SPAG16: variants seen among roughly 807,000 people sequenced by gnomAD.
SPAG16 encodes the protein sperm-associated antigen 16 protein.
A neutral mutation model predicts 80.4 loss-of-function variants in SPAG16; 86 were observed. The ratio of observed to expected loss-of-function variants is 1.07; its 90% CI spans 0.90 to 1.28. SPAG16 has a LOEUF of 1.28. Ranked by LOEUF, SPAG16 falls within the 50% of genes most tolerant of loss-of-function variation. The pLI is 0.00. For synonymous variants in SPAG16, 294 were observed against 265.9 expected, an observed-to-expected ratio of 1.11 and a Z score of -1.03; for missense variants, 870 against 765.3, an observed-to-expected ratio of 1.14 and a Z score of -1.61.
intron 15 of SPAG16, among the ~76,000 whole-genome samples, chr2:214,245,356 C>T (rs1452252849): frequency 6.6e-6 from 1 of 152,144 alleles, no homozygotes; most frequent in Non-Finnish European, 1.5e-5. Flanking sequence ...ATGCAATTGT[C>T]TTCCATTAAA....
chr2:214,081,578 C>A (rs2051397236), intron 13 of SPAG16, among the ~76,000 whole-genome samples: 2 of 152,188 alleles, frequency 1.3e-5, no homozygotes, highest in Admixed American at 1.3e-4. Flanking sequence ...CCAGCCGTCA[C>A]CAGAAACTAA....
chr2:213,531,025 C>CT (rs1200015115), intron 10 of SPAG16, among the ~76,000 whole-genome samples: 1 of 151,578 alleles, frequency 6.6e-6, no homozygotes, highest in Non-Finnish European at 1.5e-5. Flanking sequence ...TTTTAAGTTC[C>CT]TTTTTTCCTC....
intron 10 of SPAG16, among the ~76,000 whole-genome samples, chr2:213,642,960 T>G (rs2125118428): frequency 6.6e-6 from 1 of 151,746 alleles, no homozygotes; most frequent in East Asian, 2.0e-4. Flanking sequence ...CTGGCTTTCC[T>G]TGCTCCTCAG....
At chr2:213,426,836 TACACACACAC>T (rs199604984) in intron 9 of SPAG16, among the ~76,000 whole-genome samples, 63,713 of 125,678 alleles carry the variant, frequency 0.51, 16,568 homozygotes, top group South Asian at 0.59. Flanking sequence ...TTCTGATACA[TACACACACAC>T]ACACACACAC....
intron 11 of SPAG16, among the ~76,000 whole-genome samples, chr2:213,923,341 C>A (rs572802751): frequency 8.5e-5 from 13 of 152,230 alleles, no homozygotes; most frequent in African/African-American, 2.9e-4. Flanking sequence ...TGTCAGGCAG[C>A]GTCGTGTGCC....
At chr2:213,721,771 A>G (rs1368504347) in intron 10 of SPAG16, among the ~76,000 whole-genome samples, 3 of 152,210 alleles carry the variant, frequency 2.0e-5, no homozygotes, top group Non-Finnish European at 2.9e-5. Context: ...CATAATGTTG[A>G]AGTGCTAAGA....
chr2:213,680,611 G>T (rs557387394), intron 10 of SPAG16, among the ~76,000 whole-genome samples: 11 of 152,182 alleles, frequency 7.2e-5, no homozygotes, highest in African/African-American at 2.7e-4. Context: ...GAGCATCCTT[G>T]CAAGTAGGGA....
rs577210312 is a variant in SPAG16, at chr2:213,980,475, G to A, written c.1401-33476G>A. On this transcript the variant is annotated intron_variant, in intron 12 of 15. Coordinates refer to ENST00000331683, the MANE Select transcript of SPAG16 (RefSeq NM_024532.5). ...CTATATATATATAGAATATATGTGT[G>A]TATATATATAATATATATAGAATAT... 1.3e-4 allele frequency among the ~76,000 whole-genome samples: 8 copies of A among 62,080 alleles called. 1 individual carries two copies. Among genetic ancestry groups the A allele is most frequent in the African/African-American group, 2.9e-4 (6 of 20,826 alleles). The allele number at this position is 62,080 out of a possible 152,430, so 40.7% of individuals were successfully genotyped here.
At chr2:213,886,367 T>C (rs2076555149) in intron 11 of SPAG16, among the ~76,000 whole-genome samples, 1 of 150,998 alleles carries the variant, frequency 6.6e-6, no homozygotes, top group South Asian at 2.1e-4. Context: ...AGGAGGAGAG[T>C]GGTGGCGGGT....
intron 11 of SPAG16, among the ~76,000 whole-genome samples, chr2:213,928,496 G>T (rs189205593): frequency 9.9e-5 from 15 of 152,174 alleles, no homozygotes; most frequent in East Asian, 7.7e-4. Flanking sequence ...CTGTTTCTAC[G>T]CTGCAGATAG....
intron 10 of SPAG16, among the ~76,000 whole-genome samples, chr2:213,606,317 A>T (rs1284189272): frequency 6.6e-6 from 1 of 152,208 alleles, no homozygotes; most frequent in Non-Finnish European, 1.5e-5. Context: ...ATGTTCAGGC[A>T]TATTATATAT....
At chr2:213,897,010 G>T (rs1433808208) in intron 11 of SPAG16, among the ~76,000 whole-genome samples, 1 of 152,054 alleles carries the variant, frequency 6.6e-6, no homozygotes, top group Non-Finnish European at 1.5e-5. Flanking sequence ...AGATAGACTT[G>T]TACAGTGACT....
intron 10 of SPAG16, among the ~76,000 whole-genome samples, chr2:213,535,323 ATAAC>A (rs1336848798): frequency 6.6e-6 from 1 of 152,142 alleles, no homozygotes; most frequent in Admixed American, 6.5e-5. Flanking sequence ...AAACATTTAA[ATAAC>A]TACATATCAT....
intron 11 of SPAG16, among the ~76,000 whole-genome samples, chr2:213,894,016 C>T (rs2076893647): frequency 6.6e-6 from 1 of 151,930 alleles, no homozygotes; most frequent in Non-Finnish European, 1.5e-5. Context: ...TCTGTGAAGA[C>T]ATATATAGCC....
intron 5 of SPAG16, among the ~76,000 whole-genome samples, chr2:213,325,546 C>G (rs1463162407): frequency 6.6e-6 from 1 of 151,822 alleles, no homozygotes; most frequent in East Asian, 1.9e-4. Flanking sequence ...TTGCCAATTT[C>G]CACAGACACG....
rs2073845545 is a variant in SPAG16 at position 213,833,495 on chromosome 2, ATATATATATTATATAT to A, written c.1071-28989_1071-28974del. Reference sequence around the variant, plus strand: ...TATAATAATATATATATTATATATAATATATATATTATATATAATATATATAATATATATATTATAT... The same window carrying A: ...TATAATAATATATATATTATATATAAAATATATATAATATATATATTATAT... On this transcript the variant is annotated intron_variant, in intron 10 of 15. Coordinates refer to ENST00000331683, the MANE Select transcript of SPAG16 (RefSeq NM_024532.5). 1.3e-3 allele frequency among the ~76,000 whole-genome samples: 2 copies of A among 1,498 alleles called. 1 individual carries two copies. The highest frequency in any genetic ancestry group is 2.1e-3 in the African/African-American group (2 of 958). 1.0% of individuals were successfully genotyped at this position (1,498 alleles called of 152,430 possible).
intron 3 of SPAG16, among the ~76,000 whole-genome samples, chr2:213,307,966 G>T (rs1009553630): frequency 2.6e-5 from 4 of 152,124 alleles, no homozygotes; most frequent in African/African-American, 7.2e-5. Flanking sequence ...TGTGCATTCT[G>T]TGTAACCTGT....
At chr2:213,482,368 C>G (rs1314528314) in intron 9 of SPAG16, among the ~76,000 whole-genome samples, 1 of 152,138 alleles carries the variant, frequency 6.6e-6, no homozygotes, top group Non-Finnish European at 1.5e-5. Flanking sequence ...GTAAATAACT[C>G]TAAAACTACT....
chr2:213,935,649 G>A (rs1447892737), intron 12 of SPAG16, among the ~76,000 whole-genome samples: 4 of 152,144 alleles, frequency 2.6e-5, no homozygotes, highest in Non-Finnish European at 4.4e-5. Context: ...CAATAATGAG[G>A]ATTTCACTGA....
Sources: gnomAD v4.1 joint callset for allele counts (sites outside exome capture counted in the v4.1 genomes callset) on GRCh38, gnomAD v4.1.1 for gene constraint, MANE v1.5 for transcripts, NCBI Gene and HGNC (gene_info 2026-07-23, HGNC 2026-07-21) for gene names.